GRIN2A: variants seen among roughly 807,000 people sequenced by gnomAD.
GRIN2A encodes glutamate ionotropic receptor NMDA type subunit 2A, also known as glutamate receptor ionotropic, NMDA 2A.
A neutral mutation model predicts 113.4 loss-of-function variants in GRIN2A; 22 were observed. The ratio of observed to expected loss-of-function variants is 0.19; its 90% CI spans 0.14 to 0.28. GRIN2A has a LOEUF of 0.28. GRIN2A is among the 10% of genes least tolerant of loss of function. The probability of loss-of-function intolerance (pLI) is 1.00; values close to 1 mark genes in which losing one functional copy is unlikely to be tolerated. For synonymous variants in GRIN2A, 827 were observed against 738.4 expected, an observed-to-expected ratio of 1.12 and a Z score of -1.94; for missense variants, 1,502 against 1,887.0, an observed-to-expected ratio of 0.80 and a Z score of 3.78.
intron 2 of GRIN2A, among the ~76,000 whole-genome samples, chr16:10,066,279 C>G (rs1793546608): frequency 6.6e-6 from 1 of 152,202 alleles, no homozygotes; most frequent in Non-Finnish European, 1.5e-5. Context: ...TGCCTGAACA[C>G]TAGCTCACGA....
intron 2 of GRIN2A, among the ~76,000 whole-genome samples, chr16:10,086,905 C>G (rs536521035): frequency 4.3e-4 from 65 of 152,282 alleles, no homozygotes; most frequent in African/African-American, 1.4e-3. Flanking sequence ...AGAATGAGCC[C>G]AGAGGCTGGG....
chr16:10,158,572 G>T (rs1465015436), intron 2 of GRIN2A, among the ~76,000 whole-genome samples: 1 of 152,152 alleles, frequency 6.6e-6, no homozygotes, highest in Non-Finnish European at 1.5e-5. Flanking sequence ...TCCATACAAT[G>T]GAATATTATT....
chr16:9,942,121 G>C (rs1427298134), intron 2 of GRIN2A, among the ~76,000 whole-genome samples: 1 of 152,154 alleles, frequency 6.6e-6, no homozygotes, highest in Admixed American at 6.5e-5. Flanking sequence ...TCTTTTGCAA[G>C]AGGTAATCCA....
chr16:9,984,226 C>A (rs574562381), intron 2 of GRIN2A, among the ~76,000 whole-genome samples: 1 of 107,226 alleles, frequency 9.3e-6, no homozygotes, highest in Non-Finnish European at 2.0e-5. Flanking sequence ...CATTTTTAAT[C>A]GGATTTTTTT....
At chr16:9,997,201 C>G (rs1325639431) in intron 2 of GRIN2A, among the ~76,000 whole-genome samples, 3 of 152,178 alleles carry the variant, frequency 2.0e-5, no homozygotes, top group Non-Finnish European at 4.4e-5. Context: ...CTGGAACAAA[C>G]CAGTAATCAC....
intron 2 of GRIN2A, among the ~76,000 whole-genome samples, chr16:9,949,150 C>T (rs764462453): frequency 1.1e-4 from 17 of 152,162 alleles, no homozygotes; most frequent in Non-Finnish European, 2.2e-4. Flanking sequence ...TATTGTCAAT[C>T]GTCACCAGGT....
intron 2 of GRIN2A, among the ~76,000 whole-genome samples, chr16:9,961,893 G>A (rs1426971840): frequency 6.6e-6 from 1 of 152,170 alleles, no homozygotes; most frequent in African/African-American, 2.4e-5. Context: ...CAAGGCTACA[G>A]TAACCAAAAC....
intron 5 of GRIN2A, among the ~76,000 whole-genome samples, chr16:9,845,610 A>G (rs1287641143): frequency 6.6e-6 from 1 of 152,052 alleles, no homozygotes; most frequent in African/African-American, 2.4e-5. Flanking sequence ...ACTCTCTAGC[A>G]CTGCACTGGG....
chr16:9,754,538 T>C lies in GRIN2A; in HGVS notation c.*8611A>G, dbSNP rs1900281957. 1 of 212,616 alleles carries C rather than the reference T, an allele frequency of 4.7e-6. No individual in the cohort carries two copies. Among genetic ancestry groups the C allele is most frequent in the Non-Finnish European group, 9.5e-6 (1 of 105,180 alleles). The allele number at this position is 212,616 out of a possible 1,614,324, so 13.2% of individuals were successfully genotyped here. A position where few individuals can be genotyped will look rare whatever the true frequency, so the allele number is the denominator to read the frequency against. On this transcript the variant is annotated 3_prime_UTR_variant, in exon 13 of 13. Transcript: ENST00000330684. ...AAATTTCAAACAAGATCACCTGGAT[T>C]TGGCTCAAATTAGAGGCCTGAATCT...
At chr16:10,144,045 T>A (rs1450932530) in intron 2 of GRIN2A, among the ~76,000 whole-genome samples, 1 of 152,122 alleles carries the variant, frequency 6.6e-6, no homozygotes, top group African/African-American at 2.4e-5. Context: ...TGAGTGAACA[T>A]GAGGGTACAG....
At chr16:9,984,423 C>A (rs1198040444) in intron 2 of GRIN2A, among the ~76,000 whole-genome samples, 1 of 152,142 alleles carries the variant, frequency 6.6e-6, no homozygotes, top group East Asian at 1.9e-4. Flanking sequence ...CTATAAAAAT[C>A]TTTTTGCAGA....
intron 11 of GRIN2A, among the ~76,000 whole-genome samples, chr16:9,790,146 G>A (rs1481927501): frequency 6.6e-6 from 1 of 152,204 alleles, no homozygotes; most frequent in Non-Finnish European, 1.5e-5. Flanking sequence ...AGGCTTTTAT[G>A]ATTTGGATGG....
intron 2 of GRIN2A, among the ~76,000 whole-genome samples, chr16:10,097,573 G>A (rs2048317294): frequency 1.3e-5 from 2 of 152,120 alleles, no homozygotes; most frequent in Non-Finnish European, 2.9e-5. Flanking sequence ...CTGAAACCCA[G>A]GGACTGGAAA....
rs995469440 is a variant in GRIN2A at position 9,755,264 on chromosome 16, A to G, written c.*7885T>C. ...GCAATTTAGTTCTGGTTCCCTGGAG[A>G]GTTGCATGCTTTGAAATACAACCCC... is the stretch of plus-strand genomic sequence containing the variant. On this transcript the variant is annotated 3_prime_UTR_variant, in exon 13 of 13. Transcript: ENST00000330684. 2.7e-5 allele frequency: 5 copies of G among 186,532 alleles called. No homozygotes were observed. The highest frequency in any genetic ancestry group is 1.2e-4 in the African/African-American group (5 of 42,750). 11.6% of individuals were successfully genotyped at this position (186,532 alleles called of 1,614,324 possible).
At chr16:9,944,782 C>T (rs1476355255) in intron 2 of GRIN2A, among the ~76,000 whole-genome samples, 3 of 152,050 alleles carry the variant, frequency 2.0e-5, no homozygotes, top group Non-Finnish European at 2.9e-5. Context: ...CAAGACTGCC[C>T]GTGGGCAGGA....
chr16:9,963,001 C>G (rs1288241037), intron 2 of GRIN2A, among the ~76,000 whole-genome samples: 1 of 151,512 alleles, frequency 6.6e-6, no homozygotes, highest in East Asian at 2.0e-4. Flanking sequence ...AACCATCACT[C>G]TCAGCAAACT....
chr16:9,877,146 A>G (rs1370428375), intron 4 of GRIN2A, among the ~76,000 whole-genome samples: 1 of 152,188 alleles, frequency 6.6e-6, no homozygotes, highest in African/African-American at 2.4e-5. Context: ...AAAATCATAG[A>G]ACATCTCTAA....
chr16:10,072,594 C>T (rs1397025939), intron 2 of GRIN2A, among the ~76,000 whole-genome samples: 1 of 152,126 alleles, frequency 6.6e-6, no homozygotes, highest in Non-Finnish European at 1.5e-5. Context: ...CTGGACTTAG[C>T]CTCTCTTGGG....
At chr16:9,929,226 C>T (rs1478300854) in intron 3 of GRIN2A, among the ~76,000 whole-genome samples, 2 of 152,170 alleles carry the variant, frequency 1.3e-5, no homozygotes, top group African/African-American at 4.8e-5. Context: ...CTGTGTATTG[C>T]ATTTTCGGTT....
Sources: allele counts gnomAD v4.1 joint callset (sites outside exome capture counted in the v4.1 genomes callset), GRCh38; gene constraint gnomAD v4.1.1; transcripts MANE v1.5; gene names NCBI Gene and HGNC (gene_info 2026-07-23, HGNC 2026-07-21).